The following PRRC2C variants were observed in gnomAD, a reference collection of about 807,000 sequenced individuals.
The protein encoded by PRRC2C is proline rich coiled-coil 2C.
In PRRC2C, 72 loss-of-function variants were observed where a neutral mutation model predicts 317.2. The ratio of observed to expected loss-of-function variants is 0.23; its 90% CI spans 0.19 to 0.28. PRRC2C has a LOEUF of 0.28. PRRC2C is among the 10% of genes least tolerant of loss of function. The probability of loss-of-function intolerance (pLI) is 1.00; values close to 1 mark genes in which losing one functional copy is unlikely to be tolerated. For synonymous variants in PRRC2C, 1,296 were observed against 1,205.9 expected, an observed-to-expected ratio of 1.07 and a Z score of -1.55; for missense variants, 3,074 against 3,459.7, an observed-to-expected ratio of 0.89 and a Z score of 2.80.
chr1:171,496,199 CTT>C (rs528654548), intron 1 of PRRC2C, among the ~76,000 whole-genome samples: 19 of 75,658 alleles, frequency 2.5e-4, no homozygotes, highest in South Asian at 5.8e-4. Context: ...ATTTTTGTGC[CTT>C]TTTTTTTTTT....
chr1:171,517,495 C>A, intron 5 of PRRC2C, 96 bp from the exon 6 acceptor site: 1 of 1,133,252 alleles, frequency 8.8e-7, no homozygotes, highest in Non-Finnish European at 1.3e-6. Context: ...TTTCACTCTG[C>A]TTACTTGCTT....
chr1:171,573,898 C>T (rs1322330435), intron 24 of PRRC2C, among the ~76,000 whole-genome samples: 1 of 151,612 alleles, frequency 6.6e-6, no homozygotes, highest in Non-Finnish European at 1.5e-5. Context: ...AGACTGGTCT[C>T]GAACTTCTGA....
In PRRC2C at chr1:171,550,235, A is replaced by C; in HGVS notation, c.5122A>C (p.Ile1708Leu). ...EERRKKEEQVIQVWNKKNANE... is the reference protein window; with the variant it reads ...EERRKKEEQVLQVWNKKNANE... The stretch of plus-strand genomic sequence containing the variant: ...ACGCCGAAAGAAGGAAGAACAAGTC[A>C]TACAGGTTTAAATCTTGTTTCAACT... The change falls in exon 18 of 35, where the codon ATA becomes CTA. Residue 1708 changes from isoleucine (I) to leucine (L), a missense_variant. Ile to Leu is a conservative substitution (Grantham distance 5, BLOSUM62 2). Around this residue, in one of 11 missense-constraint regions of PRRC2C, gnomAD observed 640 missense variants for 676.1 expected, o/e 0.95. Transcript: ENST00000647382. 4 of 1,590,930 alleles carry C rather than the reference A, an allele frequency of 2.5e-6. No homozygotes were observed. The highest frequency in any genetic ancestry group is 1.3e-5 in the African/African-American group (1 of 74,502).
chr1:171,545,552 G>A lies in PRRC2C; in HGVS notation c.4837G>A (p.Gly1613Arg). Reference sequence around the variant, plus strand: ...TGGCAGCTCTGCACACCATCAGGAAGGAGTACCTAATGGTACAGGACAAAA... The same window carrying A: ...TGGCAGCTCTGCACACCATCAGGAAAGAGTACCTAATGGTACAGGACAAAA... ...INGSSAHHQE[G>R]VPNGTGQKNS... Residue 1613 changes from glycine (G) to arginine (R), a missense_variant, in exon 17 of 35, where the codon GGA becomes AGA. This residue lies in a region of PRRC2C where 178 missense variants were observed against 163.0 expected (regional missense o/e 1.09). Coordinates refer to ENST00000647382, the MANE Select transcript of PRRC2C (RefSeq NM_001387844.1). The A allele has an allele frequency of 6.2e-7, 1 of 1,601,324 alleles. No individual in the cohort carries two copies. The highest frequency in any genetic ancestry group is 2.3e-5 in the East Asian group (1 of 44,402).
chr1:171,526,767 T>G (rs958351893), intron 10 of PRRC2C, among the ~76,000 whole-genome samples: 6 of 150,684 alleles, frequency 4.0e-5, no homozygotes, highest in Admixed American at 3.3e-4. Context: ...TTTAGCAATC[T>G]TATGGTATTG....
intron 28 of PRRC2C, among the ~76,000 whole-genome samples, chr1:171,580,466 T>C (rs563404869): frequency 6.6e-6 from 1 of 152,346 alleles, no homozygotes; most frequent in South Asian, 2.1e-4. Context: ...TCAGATGCAC[T>C]GTAAGTTACC....
chr1:171,517,769 G>T lies in PRRC2C; in HGVS notation c.705G>T (p.Gln235His). 6.2e-7 allele frequency: 1 copy of T among 1,613,696 alleles called. No homozygotes were observed. Among genetic ancestry groups the T allele is most frequent in the Non-Finnish European group, 8.5e-7 (1 of 1,179,874 alleles). Residue 235 changes from glutamine (Q) to histidine (H), a missense_variant, in exon 6 of 35, where the codon CAG becomes CAT. Transcript: ENST00000647382. The stretch of plus-strand genomic sequence containing the variant: ...CTCCACAGGCTAAACTGAATGGACA[G>T]CAGGCTGCTCTCGCTTCCCAGTATA... Reference protein sequence around the residue: ...CGPPQAKLNGQQAALASQYRA... With the variant: ...CGPPQAKLNGHQAALASQYRA...
At chr1:171,558,333 T>C (rs1212371371) in intron 19 of PRRC2C, among the ~76,000 whole-genome samples, 190 bp downstream of exon 19, 4 of 151,554 alleles carry the variant, frequency 2.6e-5, no homozygotes, top group Non-Finnish European at 5.9e-5. Flanking sequence ...ATATTATATT[T>C]TATGGAAATA....
Position 171,580,750 on chromosome 1 carries a change from T to G in PRRC2C, c.7409+786T>G, listed in dbSNP as rs145900861. On this transcript the variant is annotated intron_variant, in intron 28 of 34. Coordinates refer to ENST00000647382, the MANE Select transcript of PRRC2C (RefSeq NM_001387844.1). ...GGAAGAAGAGTGAGTAAGAGTCAGA[T>G]AGTAGGAGCAGTGCATCATGGCATA... 2.2e-3 allele frequency among the ~76,000 whole-genome samples: 338 copies of G among 152,280 alleles called. 1 individual carries two copies. Among genetic ancestry groups the G allele is most frequent in the African/African-American group, 7.9e-3 (327 of 41,554 alleles).
chr1:171,517,578 G>T lies in PRRC2C; in HGVS notation c.527-13G>T, dbSNP rs1245559676. 3.1e-6 allele frequency: 5 copies of T among 1,591,276 alleles called. No individual in the cohort carries two copies. The highest frequency in any genetic ancestry group is 1.4e-5 in the African/African-American group (1 of 73,320). ...TTTTTATCTTTTTCCTTTTTTCTCT[G>T]CCTTCATACTAGATGTTGCTTGTTG... On this transcript the variant is annotated splice_polypyrimidine_tract_variant and intron_variant, in intron 5 of 34. Coordinates refer to ENST00000647382, the MANE Select transcript of PRRC2C (RefSeq NM_001387844.1).
chr1:171,532,021 C>T (rs546664404), intron 11 of PRRC2C, among the ~76,000 whole-genome samples: 2 of 152,304 alleles, frequency 1.3e-5, no homozygotes, highest in African/African-American at 2.4e-5. Context: ...TGCTAAATTT[C>T]CTTTGTCTCT....
chr1:171,545,143 C>G (rs997766738), intron 16 of PRRC2C, among the ~76,000 whole-genome samples: 5 of 152,098 alleles, frequency 3.3e-5, no homozygotes, highest in African/African-American at 1.2e-4. Flanking sequence ...ATACTTTGAA[C>G]TTGCTTGGAT....
chr1:171,561,175 G>T, intron 20 of PRRC2C, 72 bp downstream of exon 20: 2 of 1,365,912 alleles, frequency 1.5e-6, no homozygotes, highest in Non-Finnish European at 2.1e-6. Context: ...GGGTGTGGTG[G>T]CTTACACCTG....
chr1:171,522,056 A>C, intron 6 of PRRC2C, 121 bp from the exon 7 acceptor site: 1 of 420,436 alleles, frequency 2.4e-6, no homozygotes, highest in Non-Finnish European at 4.1e-6. Flanking sequence ...AGTTTTATTC[A>C]CTTAAATCAT....
intron 15 of PRRC2C, among the ~76,000 whole-genome samples, chr1:171,537,711 T>C (rs894321612): frequency 5.9e-5 from 9 of 152,124 alleles, no homozygotes; most frequent in Admixed American, 2.0e-4. Context: ...TTGAAATTGG[T>C]AGGTTCTTTT....
intron 12 of PRRC2C, among the ~76,000 whole-genome samples, chr1:171,534,534 A>T (rs1676465876): frequency 6.6e-6 from 1 of 151,812 alleles, no homozygotes; most frequent in African/African-American, 2.4e-5. Flanking sequence ...ATGCTCTCTG[A>T]GATGTTCTCA....
At chr1:171,486,100 G>A (rs994989608) in intron 1 of PRRC2C, among the ~76,000 whole-genome samples, 3 of 140,316 alleles carry the variant, frequency 2.1e-5, no homozygotes, top group Non-Finnish European at 3.1e-5. Context: ...ACTGGCGGAC[G>A]TGAAGTCTTT....
chr1:171,501,114 C>G (rs888522338), intron 1 of PRRC2C, among the ~76,000 whole-genome samples: 1 of 151,956 alleles, frequency 6.6e-6, no homozygotes, highest in Non-Finnish European at 1.5e-5. Context: ...TCAGTCTGGT[C>G]TTGAACTCCT....
At chr1:171,530,206 T>G (rs1265981176) in intron 11 of PRRC2C, among the ~76,000 whole-genome samples, 1 of 149,598 alleles carries the variant, frequency 6.7e-6, no homozygotes, top group East Asian at 2.0e-4. Context: ...CAGAAAAAAA[T>G]ATTCCTAATA....
Sources: gnomAD v4.1 joint callset for allele counts (sites outside exome capture counted in the v4.1 genomes callset) on GRCh38, gnomAD v4.1.1 for gene constraint, gnomAD v4.1.1 regional missense constraint, MANE v1.5 for transcripts, NCBI Gene and HGNC (gene_info 2026-07-23, HGNC 2026-07-21) for gene names.